The following ULK4 variants were observed in gnomAD, a reference collection of about 807,000 sequenced individuals.
ULK4 encodes unc-51 like kinase 4, also known as inactive serine/threonine-protein kinase ULK4.
In ULK4, 133 loss-of-function variants were observed where a neutral mutation model predicts 160.6. The observed-to-expected ratio is 0.83, with a 90% confidence interval of 0.72 to 0.96. ULK4 has a LOEUF of 0.96. Ranked by LOEUF, ULK4 falls within the 40% of genes least tolerant of loss-of-function variation. ULK4 has a pLI of 0.00. For synonymous variants in ULK4, 534 were observed against 539.8 expected (o/e 0.99, Z 0.15); for missense variants, 1,580 against 1,499.5 (o/e 1.05, Z -0.89).
At chr3:41,440,745 C>T (rs1267334071) in intron 34 of ULK4, among the ~76,000 whole-genome samples, 1 of 152,002 alleles carries the variant, frequency 6.6e-6, no homozygotes, top group Non-Finnish European at 1.5e-5. Context: ...AAATATTTCA[C>T]TGAATTTACC....
At chr3:41,946,839 A>G (rs1422189474) in intron 2 of ULK4, among the ~76,000 whole-genome samples, 1 of 152,168 alleles carries the variant, frequency 6.6e-6, no homozygotes, top group East Asian at 1.9e-4. Flanking sequence ...ATAAGCCTAA[A>G]AAGTATCACA....
chr3:41,612,160 T>G (rs944502338), intron 31 of ULK4, among the ~76,000 whole-genome samples: 15 of 152,068 alleles, frequency 9.9e-5, no homozygotes, highest in African/African-American at 3.6e-4. Flanking sequence ...GACTTGAGGA[T>G]CTGTAGATTT....
In ULK4 at chr3:41,775,760, C is replaced by T. The variant is rs557103014; in HGVS notation, c.2193+13901G>A. ...AATATGGAAATGAACTACTCACATA[C>T]GTTATTATATCGCCCATATCCTTCT... On this transcript the variant is annotated intron_variant, in intron 21 of 36. Coordinates refer to ENST00000301831, the MANE Select transcript of ULK4 (RefSeq NM_017886.4). Among the ~76,000 whole-genome samples, 4 of 150,840 alleles carry T rather than the reference C, an allele frequency of 2.7e-5. No homozygotes were observed. In the South Asian group the frequency reaches 6.2e-4, roughly 23 times the overall value.
At chr3:41,305,192 C>CTCTCCCTCTCCCTCTCCCCACGG (rs1553641000) in intron 35 of ULK4, among the ~76,000 whole-genome samples, 1,267 of 109,608 alleles carry the variant, frequency 0.012, 20 homozygotes, top group African/African-American at 0.045. Flanking sequence ...AGGGCTCTCC[C>CTCTCCCTCTCCCTCTCCCCACGG]TCTCCCTCTC....
intron 35 of ULK4, among the ~76,000 whole-genome samples, chr3:41,250,325 C>A (rs2078722412): frequency 6.6e-6 from 1 of 152,202 alleles, no homozygotes; most frequent in Admixed American, 6.5e-5. Flanking sequence ...CCGTTGCCTC[C>A]TATTGTTATC....
At chr3:41,412,825 T>G (rs2082436346) in intron 34 of ULK4, among the ~76,000 whole-genome samples, 1 of 152,048 alleles carries the variant, frequency 6.6e-6, no homozygotes. Flanking sequence ...CCTCTCAAAG[T>G]GCTGGGATTA....
intron 17 of ULK4, among the ~76,000 whole-genome samples, chr3:41,878,273 G>C (rs1697383680): frequency 6.6e-6 from 1 of 152,108 alleles, no homozygotes; most frequent in African/African-American, 2.4e-5. Context: ...TCATGTCAAA[G>C]GGAGAAAGGA....
intron 31 of ULK4, among the ~76,000 whole-genome samples, chr3:41,577,453 C>T (rs1288848074): frequency 1.3e-5 from 2 of 152,136 alleles, no homozygotes; most frequent in Non-Finnish European, 2.9e-5. Context: ...GTATCCATCA[C>T]CTCAAGCATG....
At chr3:41,587,631 C>T (rs2030922811) in intron 31 of ULK4, among the ~76,000 whole-genome samples, 1 of 152,072 alleles carries the variant, frequency 6.6e-6, no homozygotes, top group Admixed American at 6.6e-5. Flanking sequence ...CCTTTATCTA[C>T]TTGATTGTAA....
In ULK4 at chr3:41,408,385, A is replaced by G. The variant is rs1170174138; in HGVS notation, c.3493-10121T>C. Among the ~76,000 whole-genome samples, 8 of 140,986 alleles carry G rather than the reference A, an allele frequency of 5.7e-5. No homozygotes were observed. The East Asian group carries it at 1.3e-3, about 22-fold the overall frequency. 92.5% of individuals were successfully genotyped at this position (140,986 alleles called of 152,430 possible). Reference sequence around the variant, plus strand: ...GGAGCTTGCAATGAGCCGAGATCGCACCACTGCACTCCAGCCTGGGTGACA... The same window carrying G: ...GGAGCTTGCAATGAGCCGAGATCGCGCCACTGCACTCCAGCCTGGGTGACA... On this transcript the variant is annotated intron_variant, in intron 34 of 36. Coordinates refer to ENST00000301831, the MANE Select transcript of ULK4 (RefSeq NM_017886.4).
intron 35 of ULK4, among the ~76,000 whole-genome samples, chr3:41,264,329 C>G (rs2078993644): frequency 6.6e-6 from 1 of 152,344 alleles, no homozygotes; most frequent in East Asian, 1.9e-4. Flanking sequence ...CGCCAGATCC[C>G]TAACCACGCT....
In ULK4 at chr3:41,638,689, C is replaced by A. The variant is rs140338870; in HGVS notation, c.3072-22972G>T. ...CATGGCTAAAGCCACATTTGTATAG[C>A]AAACACTGTAATGTATTCTGGCCAA... On this transcript the variant is annotated intron_variant, in intron 30 of 36. Transcript: ENST00000301831. Among the ~76,000 whole-genome samples, 33 of 152,334 alleles carry A rather than the reference C, an allele frequency of 2.2e-4. No individual in the cohort carries two copies. The East Asian group carries it at 3.7e-3, about 17-fold the overall frequency.
chr3:41,840,449 C>T (rs547246188), intron 17 of ULK4, among the ~76,000 whole-genome samples: 4 of 152,338 alleles, frequency 2.6e-5, no homozygotes, highest in Non-Finnish European at 5.9e-5. Context: ...GGTCTCAGCT[C>T]GCTGCAGCCT....
At chr3:41,646,423 A>G (rs897388560) in intron 30 of ULK4, among the ~76,000 whole-genome samples, 2 of 152,138 alleles carry the variant, frequency 1.3e-5, no homozygotes, top group African/African-American at 4.8e-5. Flanking sequence ...GCTTGTCTGT[A>G]AAGTGTTTTA....
At chr3:41,750,338 GTA>G (rs755868147) in intron 22 of ULK4, among the ~76,000 whole-genome samples, 1 of 152,156 alleles carries the variant, frequency 6.6e-6, no homozygotes, top group African/African-American at 2.4e-5. Context: ...TTTGAGTACA[GTA>G]TCAGAAGAGA....
chr3:41,614,456 A>C (rs1335561061), intron 31 of ULK4, among the ~76,000 whole-genome samples: 2 of 152,250 alleles, frequency 1.3e-5, no homozygotes, highest in Non-Finnish European at 2.9e-5. Flanking sequence ...GGAAAGATAC[A>C]CATATCCATA....
At chr3:41,279,254 G>GAAAAAAAAAAAAAAAAAAAAA (rs2079295716) in intron 35 of ULK4, among the ~76,000 whole-genome samples, 1 of 54,186 alleles carries the variant, frequency 1.8e-5, no homozygotes, top group African/African-American at 1.2e-4. Flanking sequence ...GAAAAAAAGA[G>GAAAAAAAAAAAAAAAAAAAAA]TAAAAAAAAA....
At chr3:41,495,144 C>G (rs1355580331) in intron 32 of ULK4, among the ~76,000 whole-genome samples, 1 of 152,168 alleles carries the variant, frequency 6.6e-6, no homozygotes, top group African/African-American at 2.4e-5. Flanking sequence ...GCCAAAGGAA[C>G]AAAGCTGGAG....
intron 32 of ULK4, among the ~76,000 whole-genome samples, chr3:41,482,402 A>G (rs1420090133): frequency 2.6e-5 from 4 of 152,232 alleles, no homozygotes; most frequent in African/African-American, 9.6e-5. Context: ...AAGCTGGGTT[A>G]CGACAAGTAT....
Sources: allele counts gnomAD v4.1 joint callset (sites outside exome capture counted in the v4.1 genomes callset), GRCh38; gene constraint gnomAD v4.1.1; transcripts MANE v1.5; gene names NCBI Gene and HGNC (gene_info 2026-07-23, HGNC 2026-07-21).